Variants in FAF1 observed in about 807,000 individuals in gnomAD.
FAF1 encodes Fas associated factor 1.
Under a neutral mutation model 92.5 loss-of-function variants are expected in FAF1, and 25 were observed. The ratio of observed to expected loss-of-function variants is 0.27; its 90% CI spans 0.20 to 0.38. The LOEUF (loss-of-function observed/expected upper bound fraction) is 0.38, where lower values mean the gene tolerates loss of function less well. Among genes scored for constraint, FAF1 ranks in the 10% least tolerant of loss-of-function variants. The probability of loss-of-function intolerance (pLI) is 1.00; values close to 1 mark genes in which losing one functional copy is unlikely to be tolerated. For synonymous variants in FAF1, 234 were observed against 273.2 expected (o/e 0.86, Z 1.42); for missense variants, 636 against 793.3 (o/e 0.80, Z 2.38).
chr1:50,499,329 A>G (rs1229382109), intron 15 of FAF1, among the ~76,000 whole-genome samples: 1 of 144,804 alleles, frequency 6.9e-6, no homozygotes. Context: ...AAAACATTTG[A>G]TCTTTCCCCA....
At chr1:50,861,427 T>G (rs548387556) in intron 1 of FAF1, among the ~76,000 whole-genome samples, 8 of 151,870 alleles carry the variant, frequency 5.3e-5, no homozygotes, top group African/African-American at 1.9e-4. Context: ...CTGGAGGCCA[T>G]TATCCTTAGT....
At position 50,590,453 on chromosome 1, in the gene FAF1, G is replaced by GGTTTT. The variant is rs1422282237; in HGVS notation, c.841-5643_841-5642insAAAAC. Among the ~76,000 whole-genome samples, 7 of 152,206 alleles carry GGTTTT rather than the reference G, an allele frequency of 4.6e-5. No homozygotes were observed. In the East Asian group the frequency reaches 1.2e-3, roughly 25 times the overall value. ...TTTTCTGTTCAGCTTGTTGACTGTT[G>GGTTTT]GTTTATAGAAATGCAAGTGATTTTT... is the stretch of plus-strand genomic sequence containing the variant. On this transcript the variant is annotated intron_variant, in intron 9 of 18. Transcript: ENST00000396153.
intron 8 of FAF1, among the ~76,000 whole-genome samples, chr1:50,637,556 A>G (rs1249852906): frequency 1.3e-5 from 2 of 151,952 alleles, no homozygotes; most frequent in Non-Finnish European, 2.9e-5. Context: ...TTTCTATGAA[A>G]AATGCTATTG....
intron 4 of FAF1, among the ~76,000 whole-genome samples, chr1:50,764,840 C>G (rs1338566408): frequency 6.6e-6 from 1 of 152,144 alleles, no homozygotes; most frequent in Non-Finnish European, 1.5e-5. Context: ...ATAAACTAAC[C>G]TGTCAGAGAT....
intron 7 of FAF1, among the ~76,000 whole-genome samples, chr1:50,673,737 T>C (rs1655999284): frequency 6.6e-6 from 1 of 152,218 alleles, no homozygotes; most frequent in South Asian, 2.1e-4. Flanking sequence ...AAAGGCTCTG[T>C]TAGGTATATT....
At chr1:50,503,047 C>T (rs1647011990) in intron 15 of FAF1, among the ~76,000 whole-genome samples, 1 of 152,036 alleles carries the variant, frequency 6.6e-6, no homozygotes, top group South Asian at 2.1e-4. Flanking sequence ...CTATGTTGTT[C>T]AGGCTGGTCT....
chr1:50,849,751 A>G (rs1006006424), intron 2 of FAF1, among the ~76,000 whole-genome samples: 3 of 152,166 alleles, frequency 2.0e-5, no homozygotes, highest in African/African-American at 7.2e-5. Context: ...AAGAGTCAAA[A>G]TGCCAACATG....
At chr1:50,770,902 T>TA (rs1660753408) in intron 4 of FAF1, among the ~76,000 whole-genome samples, 1 of 152,138 alleles carries the variant, frequency 6.6e-6, no homozygotes, top group Non-Finnish European at 1.5e-5. Context: ...GTTACTGGTA[T>TA]AAAAACAGAC....
intron 17 of FAF1, among the ~76,000 whole-genome samples, chr1:50,477,007 CCTTT>C (rs1479039836): frequency 2.6e-5 from 4 of 152,072 alleles, no homozygotes; most frequent in Admixed American, 6.6e-5. Flanking sequence ...TCTGCATATG[CCTTT>C]CTATTTTGAC....
intron 8 of FAF1, among the ~76,000 whole-genome samples, chr1:50,619,424 G>A (rs970596295): frequency 4.6e-5 from 7 of 152,156 alleles, no homozygotes; most frequent in Admixed American, 2.0e-4. Context: ...TATAAGGCTG[G>A]TCTATTTGAA....
intron 8 of FAF1, among the ~76,000 whole-genome samples, chr1:50,641,334 T>G (rs565568806): frequency 6.6e-6 from 1 of 152,312 alleles, no homozygotes; most frequent in South Asian, 2.1e-4. Context: ...AAACTATGAA[T>G]TCTCCTCTAA....
At chr1:50,763,092 TA>T (rs200779505) in intron 4 of FAF1, among the ~76,000 whole-genome samples, 3,075 of 152,116 alleles carry the variant, frequency 0.02, 48 homozygotes, top group Non-Finnish European at 0.032. Flanking sequence ...CTGTCTCTAC[TA>T]AAAATACAAA....
chr1:50,801,708 A>G (rs771186453), intron 2 of FAF1, 31 bp from the exon 3 acceptor site: 1 of 1,418,780 alleles, frequency 7.0e-7, no homozygotes, highest in Non-Finnish European at 1.0e-6. Flanking sequence ...AGGCCATTTA[A>G]AGAAACAGAT....
At chr1:50,527,579 T>C (rs1395444961) in intron 15 of FAF1, among the ~76,000 whole-genome samples, 1 of 152,210 alleles carries the variant, frequency 6.6e-6, no homozygotes, top group Non-Finnish European at 1.5e-5. Context: ...TTCTCACTGA[T>C]AATAGAATAA....
intron 15 of FAF1, among the ~76,000 whole-genome samples, chr1:50,509,096 T>TG (rs2149021861): frequency 1.3e-5 from 2 of 150,576 alleles, no homozygotes; most frequent in South Asian, 4.1e-4. Context: ...TACAAGCTGC[T>TG]GTCTTGATGG....
At chr1:50,779,327 G>A (rs1001181214) in intron 4 of FAF1, among the ~76,000 whole-genome samples, 6 of 152,140 alleles carry the variant, frequency 3.9e-5, no homozygotes, top group Non-Finnish European at 7.4e-5. Context: ...GTTCTTCATG[G>A]TATCTTAGAA....
intron 16 of FAF1, 75 bp from the exon 17 acceptor site, chr1:50,490,740 G>A: frequency 1.1e-6 from 1 of 941,736 alleles, no homozygotes; most frequent in Non-Finnish European, 1.7e-6. Context: ...TAAGGAAAGA[G>A]AAAAAAGAAA....
chr1:50,507,767 G>A (rs1344401570), intron 15 of FAF1, among the ~76,000 whole-genome samples: 1 of 152,080 alleles, frequency 6.6e-6, no homozygotes, highest in Non-Finnish European at 1.5e-5. Flanking sequence ...AGTGATTTGA[G>A]CAGTGAAAGG....
At chr1:50,463,525 A>G (rs1284677200) in intron 18 of FAF1, among the ~76,000 whole-genome samples, 1 of 152,192 alleles carries the variant, frequency 6.6e-6, no homozygotes, top group African/African-American at 2.4e-5. Flanking sequence ...TTAGAATCCC[A>G]ATTATCTCAG....
Sources: gnomAD v4.1 joint callset for allele counts (sites outside exome capture counted in the v4.1 genomes callset) on GRCh38, gnomAD v4.1.1 for gene constraint, MANE v1.5 for transcripts, NCBI Gene and HGNC (gene_info 2026-07-23, HGNC 2026-07-21) for gene names.